ERC2: variants seen among roughly 807,000 people sequenced by gnomAD.
The protein encoded by ERC2 is ERC protein 2.
ERC2 carries 42 observed loss-of-function variants against 114.8 expected under a neutral mutation model. The ratio of observed to expected loss-of-function variants is 0.37; its 90% CI spans 0.29 to 0.47. The LOEUF (loss-of-function observed/expected upper bound fraction) is 0.47. ERC2 is among the 20% of genes least tolerant of loss of function. The pLI is 0.99. For missense variants in ERC2, 939 were observed against 1,150.7 expected (o/e 0.82, Z 2.66); for synonymous variants, 454 against 425.5 (o/e 1.07, Z -0.82).
chr3:56,369,084 G>T (rs2059263859), intron 2 of ERC2, among the ~76,000 whole-genome samples: 1 of 152,148 alleles, frequency 6.6e-6, no homozygotes, highest in Non-Finnish European at 1.5e-5. Context: ...CAAGGCAGCG[G>T]GCCAAGAACC....
chr3:55,815,955 T>G (rs376782635), intron 14 of ERC2, among the ~76,000 whole-genome samples: 1 of 152,196 alleles, frequency 6.6e-6, no homozygotes, highest in Non-Finnish European at 1.5e-5. Context: ...CTCAGGTATC[T>G]TCTTAGAGGG....
chr3:56,218,977 CG>C (rs2049706554), intron 3 of ERC2, among the ~76,000 whole-genome samples: 1 of 151,820 alleles, frequency 6.6e-6, no homozygotes, highest in Non-Finnish European at 1.5e-5. Flanking sequence ...CATCACACAC[CG>C]GGGCCTGTTG....
At chr3:55,908,488 G>T (rs1468511503) in intron 13 of ERC2, among the ~76,000 whole-genome samples, 1 of 152,086 alleles carries the variant, frequency 6.6e-6, no homozygotes, top group African/African-American at 2.4e-5. Context: ...GAACAGAGGA[G>T]GAAAGGAAGA....
At chr3:56,449,798 A>G (rs560003221) in intron 1 of ERC2, among the ~76,000 whole-genome samples, 1 of 152,374 alleles carries the variant, frequency 6.6e-6, no homozygotes, top group South Asian at 2.1e-4. Context: ...CACACAGCTA[A>G]TGATCAACAG....
At chr3:55,644,986 G>A (rs1413436504) in intron 17 of ERC2, among the ~76,000 whole-genome samples, 1 of 152,148 alleles carries the variant, frequency 6.6e-6, no homozygotes, top group Admixed American at 6.6e-5. Flanking sequence ...TGGTCATCTA[G>A]CGTGAGAACT....
chr3:55,800,657 C>T (rs1405487624), intron 14 of ERC2, among the ~76,000 whole-genome samples: 1 of 151,994 alleles, frequency 6.6e-6, no homozygotes, highest in South Asian at 2.1e-4. Context: ...AGAGTAGAGG[C>T]CAAGAGGCAA....
intron 8 of ERC2, among the ~76,000 whole-genome samples, chr3:56,016,967 G>T (rs764043648): frequency 1.3e-5 from 2 of 152,160 alleles, no homozygotes; most frequent in African/African-American, 2.4e-5. Context: ...TCCCATGCAT[G>T]TGTGGACAAA....
intron 13 of ERC2, among the ~76,000 whole-genome samples, chr3:55,945,966 G>A (rs1486787600): frequency 6.6e-6 from 1 of 151,802 alleles, no homozygotes; most frequent in African/African-American, 2.4e-5. Context: ...TTATTAACTC[G>A]ATAAGCTACA....
chr3:56,241,603 T>C (rs2051325543), intron 3 of ERC2, among the ~76,000 whole-genome samples: 1 of 152,228 alleles, frequency 6.6e-6, no homozygotes, highest in South Asian at 2.1e-4. Flanking sequence ...AATTTCTGTA[T>C]ATATGATCAT....
chr3:56,173,341 C>T, intron 4 of ERC2, 105 bp downstream of exon 4: 1 of 1,065,604 alleles, frequency 9.4e-7, no homozygotes, highest in South Asian at 1.3e-5. Flanking sequence ...CAGCAGGGTG[C>T]CTAGAGAAAA....
intron 14 of ERC2, among the ~76,000 whole-genome samples, chr3:55,883,539 T>TACACACACACAC: frequency 6.9e-6 from 1 of 143,970 alleles, no homozygotes; most frequent in African/African-American, 2.5e-5. Flanking sequence ...TAATTAAACA[T>TACACACACACAC]ACACACACAC....
chr3:55,724,450 A>G (rs1348719631), intron 15 of ERC2, among the ~76,000 whole-genome samples: 4 of 152,206 alleles, frequency 2.6e-5, no homozygotes, highest in African/African-American at 9.6e-5. Context: ...AGAGCATGGA[A>G]AAGCTTCAAT....
At chr3:56,035,552 T>C (rs2074737999) in intron 7 of ERC2, among the ~76,000 whole-genome samples, 1 of 152,232 alleles carries the variant, frequency 6.6e-6, no homozygotes, top group Non-Finnish European at 1.5e-5. Flanking sequence ...GTTTAAGTCA[T>C]GAAGGTTCTG....
intron 2 of ERC2, among the ~76,000 whole-genome samples, chr3:56,396,765 A>G (rs542113333): frequency 6.6e-6 from 1 of 152,130 alleles, no homozygotes; most frequent in South Asian, 2.1e-4. Context: ...TTTTTTTCAA[A>G]GGAGAACGGT....
chr3:55,516,722 T>C (rs1052942370), intron 17 of ERC2, among the ~76,000 whole-genome samples: 8 of 152,208 alleles, frequency 5.3e-5, no homozygotes, highest in Non-Finnish European at 1.0e-4. Flanking sequence ...ATATAGGCTG[T>C]GTACATCAAA....
chr3:56,016,863 C>A (rs1560028934), intron 8 of ERC2, among the ~76,000 whole-genome samples: 1 of 152,090 alleles, frequency 6.6e-6, no homozygotes, highest in Admixed American at 6.6e-5. Flanking sequence ...CCAATTACTT[C>A]ATTACCCCAG....
rs2071107402 is a variant in ERC2 at position 55,992,080 on chromosome 3, G to A, written c.2232C>T (p.Asp744=). 6.2e-7 allele frequency: 1 copy of A among 1,613,490 alleles called. No individual in the cohort carries two copies. ...ACCTCTCCAGTTCTGCGATCTTCTT[G>A]TCCTTGTCATTCTTCTCATTCTCCA... is the stretch of plus-strand genomic sequence containing the variant. ...KEVENEKNDK[D]KKIAELESLT... The change falls in exon 11 of 18, where the codon GAC becomes GAT. Residue 744 remains aspartate (D), a synonymous_variant. Coordinates refer to ENST00000288221, the MANE Select transcript of ERC2 (RefSeq NM_015576.3).
intron 16 of ERC2, among the ~76,000 whole-genome samples, chr3:55,696,978 T>G (rs1243308754): frequency 1.3e-5 from 2 of 152,232 alleles, no homozygotes; most frequent in African/African-American, 4.8e-5. Context: ...ACTTTCACAG[T>G]GACCCCCACT....
intron 3 of ERC2, among the ~76,000 whole-genome samples, chr3:56,182,945 C>A (rs2083364801): frequency 6.6e-6 from 1 of 152,050 alleles, no homozygotes; most frequent in South Asian, 2.1e-4. Context: ...GGTTGGCACA[C>A]AGAAGAAGTG....
Sources: allele counts gnomAD v4.1 joint callset (sites outside exome capture counted in the v4.1 genomes callset), GRCh38; gene constraint gnomAD v4.1.1; transcripts MANE v1.5; gene names NCBI Gene and HGNC (gene_info 2026-07-23, HGNC 2026-07-21).